GPC6: variants seen among roughly 807,000 people sequenced by gnomAD.
GPC6 encodes glypican 6.
Under a neutral mutation model 55.2 loss-of-function variants are expected in GPC6, and 14 were observed. That is an observed-to-expected ratio of 0.25 (90% CI 0.17 to 0.40). The LOEUF is 0.40. Among genes scored for constraint, GPC6 ranks in the 10% least tolerant of loss-of-function variants. The pLI, the probability that GPC6 is intolerant of heterozygous loss-of-function variation, is 1.00. For synonymous variants in GPC6, 278 were observed against 259.6 expected (o/e 1.07, Z -0.68); for missense variants, 641 against 708.5 (o/e 0.90, Z 1.08).
At chr13:93,787,443 T>A (rs1885849012) in intron 2 of GPC6, among the ~76,000 whole-genome samples, 1 of 152,252 alleles carries the variant, frequency 6.6e-6, no homozygotes, top group Non-Finnish European at 1.5e-5. Flanking sequence ...GGGCCAGATT[T>A]GGCCTTCAGT....
At chr13:93,719,252 A>G (rs375462073) in intron 2 of GPC6, among the ~76,000 whole-genome samples, 1 of 151,938 alleles carries the variant, frequency 6.6e-6, no homozygotes, top group African/African-American at 2.4e-5. Flanking sequence ...GTCCTCTGTT[A>G]TTTCCTTGAG....
chr13:93,859,627 A>G (rs756713861), intron 3 of GPC6, among the ~76,000 whole-genome samples: 2 of 151,648 alleles, frequency 1.3e-5, no homozygotes, highest in Non-Finnish European at 3.0e-5. Context: ...ATAATTACGC[A>G]TCAGTAGTTT....
intron 4 of GPC6, among the ~76,000 whole-genome samples, chr13:94,125,391 A>G (rs1188835419): frequency 6.6e-6 from 1 of 152,164 alleles, no homozygotes; most frequent in East Asian, 1.9e-4. Flanking sequence ...GAAAGGTGCC[A>G]TGTGCATTTT....
chr13:93,881,687 A>G (rs769062462), intron 3 of GPC6, among the ~76,000 whole-genome samples: 3 of 152,004 alleles, frequency 2.0e-5, no homozygotes, highest in Non-Finnish European at 4.4e-5. Flanking sequence ...TTATCTCTGT[A>G]TCCATCCGTG....
intron 3 of GPC6, among the ~76,000 whole-genome samples, chr13:93,955,815 A>T (rs1594618630): frequency 6.6e-6 from 1 of 152,340 alleles, no homozygotes; most frequent in East Asian, 1.9e-4. Flanking sequence ...ATATCTCTTT[A>T]AAAAACTGCT....
At chr13:94,359,126 C>T (rs977825295) in intron 6 of GPC6, among the ~76,000 whole-genome samples, 6 of 152,102 alleles carry the variant, frequency 3.9e-5, no homozygotes, top group Non-Finnish European at 8.8e-5. Flanking sequence ...TTGGAAAAAA[C>T]ATTGAGAAAC....
At chr13:93,916,162 G>T (rs547445593) in intron 3 of GPC6, among the ~76,000 whole-genome samples, 41 of 152,048 alleles carry the variant, frequency 2.7e-4, no homozygotes, top group African/African-American at 9.9e-4. Flanking sequence ...CCCATTCTTT[G>T]CTTGTTTCTG....
chr13:93,298,912 T>G (rs1308952330), intron 1 of GPC6, among the ~76,000 whole-genome samples: 11 of 151,974 alleles, frequency 7.2e-5, no homozygotes, highest in Non-Finnish European at 1.5e-5. Flanking sequence ...TTTTTTTTTT[T>G]TTGGAATTAG....
chr13:93,521,402 A>G (rs977921979), intron 1 of GPC6, among the ~76,000 whole-genome samples: 2 of 151,944 alleles, frequency 1.3e-5, no homozygotes, highest in African/African-American at 4.8e-5. Flanking sequence ...TACTAATTTC[A>G]TCACTTAAAT....
intron 2 of GPC6, among the ~76,000 whole-genome samples, chr13:93,640,780 CCTCCCTCCCTTCCTCCTTCCTTCCT>C (rs1879893623): frequency 1.3e-5 from 1 of 79,248 alleles, no homozygotes; most frequent in Non-Finnish European, 2.2e-5. Context: ...ACTTTCCTTC[CCTCCCTCCCTTCCTCCTTCCTTCCT>C]TCCTTCCTTC....
At chr13:93,631,406 C>T (rs576853338) in intron 2 of GPC6, among the ~76,000 whole-genome samples, 12 of 152,166 alleles carry the variant, frequency 7.9e-5, no homozygotes, top group Non-Finnish European at 1.6e-4. Context: ...AGGAGAGAGA[C>T]CTCAGGAGAA....
chr13:94,290,954 G>T (rs1874928581), intron 5 of GPC6, among the ~76,000 whole-genome samples: 1 of 152,210 alleles, frequency 6.6e-6, no homozygotes, highest in South Asian at 2.1e-4. Flanking sequence ...CACTTTGGGA[G>T]GCCCAGGTGG....
intron 3 of GPC6, among the ~76,000 whole-genome samples, chr13:93,934,357 A>C (rs886998093): frequency 1.3e-5 from 2 of 152,232 alleles, no homozygotes; most frequent in Admixed American, 6.5e-5. Context: ...ACATATTGAA[A>C]TGATAATATT....
At chr13:94,079,278 G>A (rs1885025312) in intron 4 of GPC6, among the ~76,000 whole-genome samples, 1 of 152,108 alleles carries the variant, frequency 6.6e-6, no homozygotes, top group African/African-American at 2.4e-5. Context: ...AATTTTCCCA[G>A]AACATTTTGC....
At chr13:94,197,395 G>T (rs887142419) in intron 4 of GPC6, among the ~76,000 whole-genome samples, 3 of 152,178 alleles carry the variant, frequency 2.0e-5, no homozygotes, top group Non-Finnish European at 4.4e-5. Context: ...CACAAACTGG[G>T]TGTCTTAAAC....
chr13:93,349,969 T>C (rs1241836528), intron 1 of GPC6, among the ~76,000 whole-genome samples: 3 of 152,232 alleles, frequency 2.0e-5, no homozygotes, highest in African/African-American at 7.2e-5. Flanking sequence ...GAGTGCTCTC[T>C]TGAAATTGTA....
chr13:93,822,075 A>G (rs1020629476), intron 2 of GPC6, among the ~76,000 whole-genome samples: 7 of 151,944 alleles, frequency 4.6e-5, no homozygotes, highest in Non-Finnish European at 8.8e-5. Context: ...TTTTGCATAA[A>G]ATACATAATA....
chr13:94,171,893 G>A (rs1390364433), intron 4 of GPC6, among the ~76,000 whole-genome samples: 4 of 152,168 alleles, frequency 2.6e-5, no homozygotes, highest in South Asian at 2.1e-4. Context: ...ACAAAGTCCC[G>A]TGGCAGAAGC....
intron 3 of GPC6, among the ~76,000 whole-genome samples, chr13:93,989,594 C>G (rs953749725): frequency 1.3e-5 from 2 of 152,150 alleles, no homozygotes; most frequent in African/African-American, 4.8e-5. Flanking sequence ...CCCACCTCAC[C>G]TATGGTGTGG....
Sources: gnomAD v4.1 joint callset for allele counts (sites outside exome capture counted in the v4.1 genomes callset) on GRCh38, gnomAD v4.1.1 for gene constraint, MANE v1.5 for transcripts, NCBI Gene and HGNC (gene_info 2026-07-23, HGNC 2026-07-21) for gene names.